Variants in GPC5 observed in about 807,000 individuals in gnomAD.
GPC5 encodes glypican 5, also known as glypican-5.
In GPC5, 47 loss-of-function variants were observed where a neutral mutation model predicts 53.9. That is an observed-to-expected ratio of 0.87 (90% CI 0.69 to 1.11). GPC5 has a LOEUF of 1.11. GPC5 is among the 50% of genes most tolerant of loss of function. GPC5 has a pLI of 0.00. For synonymous variants in GPC5, 286 were observed against 263.3 expected (o/e 1.09, Z -0.84); for missense variants, 748 against 713.1 (o/e 1.05, Z -0.56).
chr13:92,573,257 G>A (rs1883088098), intron 7 of GPC5, among the ~76,000 whole-genome samples: 1 of 152,068 alleles, frequency 6.6e-6, no homozygotes, highest in Non-Finnish European at 1.5e-5. Flanking sequence ...GCCTAATAAA[G>A]GTATTTAACT....
At chr13:92,559,154 T>A (rs1239989504) in intron 7 of GPC5, among the ~76,000 whole-genome samples, 2 of 151,546 alleles carry the variant, frequency 1.3e-5, no homozygotes, top group Non-Finnish European at 2.9e-5. Flanking sequence ...CGGACGAAAA[T>A]GAAAGGGACA....
intron 7 of GPC5, among the ~76,000 whole-genome samples, chr13:92,335,074 G>T (rs552307224): frequency 6.6e-6 from 1 of 151,980 alleles, no homozygotes; most frequent in African/African-American, 2.4e-5. Context: ...CTGTGGGTTG[G>T]GGGGGACTCC....
intron 2 of GPC5, among the ~76,000 whole-genome samples, chr13:91,547,935 C>A (rs937229852): frequency 6.6e-6 from 1 of 151,860 alleles, no homozygotes; most frequent in Non-Finnish European, 1.5e-5. Context: ...GATTAAAACT[C>A]GAAATAAATT....
chr13:92,771,814 G>T (rs578219230), intron 7 of GPC5, among the ~76,000 whole-genome samples: 7 of 152,174 alleles, frequency 4.6e-5, no homozygotes, highest in African/African-American at 1.4e-4. Flanking sequence ...TAAATTTATA[G>T]CTCCAGCTTC....
chr13:92,697,851 T>C (rs1171507729), intron 7 of GPC5, among the ~76,000 whole-genome samples: 1 of 152,202 alleles, frequency 6.6e-6, no homozygotes, highest in Non-Finnish European at 1.5e-5. Context: ...ATAGCTCTTA[T>C]TATTTTGAGA....
At chr13:92,789,864 G>C (rs1876399712) in intron 7 of GPC5, among the ~76,000 whole-genome samples, 1 of 152,114 alleles carries the variant, frequency 6.6e-6, no homozygotes, top group Admixed American at 6.6e-5. Flanking sequence ...GAGGAGCAGG[G>C]AAGCCAGTCC....
intron 6 of GPC5, among the ~76,000 whole-genome samples, chr13:91,919,216 G>A (rs2039687497): frequency 6.6e-6 from 1 of 152,108 alleles, no homozygotes. Context: ...TATTGCCACT[G>A]TGCTATTTGA....
intron 2 of GPC5, among the ~76,000 whole-genome samples, chr13:91,499,568 G>A (rs1227138776): frequency 1.3e-5 from 2 of 152,044 alleles, no homozygotes; most frequent in Non-Finnish European, 2.9e-5. Flanking sequence ...TTTTGCATAC[G>A]GTTCACAATT....
At chr13:92,609,804 G>T (rs191192401) in intron 7 of GPC5, among the ~76,000 whole-genome samples, 102 of 152,192 alleles carry the variant, frequency 6.7e-4, no homozygotes, top group African/African-American at 2.4e-3. Context: ...AGGCCCAGGT[G>T]GGTGGATCAC....
At chr13:91,958,713 A>G (rs1274958207) in intron 6 of GPC5, among the ~76,000 whole-genome samples, 1 of 152,108 alleles carries the variant, frequency 6.6e-6, no homozygotes, top group Non-Finnish European at 1.5e-5. Context: ...TTAGAAATCC[A>G]TAACAAGAGG....
At chr13:91,791,442 C>A (rs1245637574) in intron 5 of GPC5, among the ~76,000 whole-genome samples, 3 of 152,144 alleles carry the variant, frequency 2.0e-5, no homozygotes, top group African/African-American at 7.2e-5. Flanking sequence ...TTGGCTACAC[C>A]TACCTAGAAG....
intron 1 of GPC5, among the ~76,000 whole-genome samples, chr13:91,420,277 G>A (rs887215182): frequency 6.6e-6 from 1 of 151,918 alleles, no homozygotes; most frequent in Non-Finnish European, 1.5e-5. Context: ...TTTTATTTTT[G>A]CCATGTAAAT....
At chr13:91,484,063 G>C (rs1208818962) in intron 2 of GPC5, among the ~76,000 whole-genome samples, 1 of 152,046 alleles carries the variant, frequency 6.6e-6, no homozygotes, top group Non-Finnish European at 1.5e-5. Flanking sequence ...TATTATAGTT[G>C]AGTTATTTTG....
intron 7 of GPC5, chr13:92,240,157 A>G (rs1048421798): frequency 4.6e-5 from 7 of 152,104 alleles, no homozygotes; most frequent in African/African-American, 1.7e-4. Context: ...GTTGTAGATT[A>G]TATCTATTTG....
At position 91,930,182 on chromosome 13, in the gene GPC5, G is replaced by C. The variant is rs527602802; in HGVS notation, c.1401+22125G>C. 1.5e-3 allele frequency among the ~76,000 whole-genome samples: 223 copies of C among 152,114 alleles called. 1 individual carries two copies. The Middle Eastern group carries it at 0.054, about 37-fold the overall frequency. On this transcript the variant is annotated intron_variant, in intron 6 of 7. Coordinates refer to ENST00000377067, the MANE Select transcript of GPC5 (RefSeq NM_004466.6). ...ATGGATAGAACGACCATGAAGCCAT[G>C]GGCATTGTTTTGTTTTGTTTAATCT...
At chr13:91,780,440 T>C (rs1030524437) in intron 5 of GPC5, among the ~76,000 whole-genome samples, 3 of 152,160 alleles carry the variant, frequency 2.0e-5, no homozygotes, top group African/African-American at 7.2e-5. Context: ...CTTTTTATTA[T>C]ATTTTTTTAA....
chr13:92,534,460 C>A (rs1386646200), intron 7 of GPC5, among the ~76,000 whole-genome samples: 1 of 152,156 alleles, frequency 6.6e-6, no homozygotes, highest in African/African-American at 2.4e-5. Context: ...ATGTGTTCTG[C>A]CTCATAACAG....
At chr13:92,209,906 C>A (rs1314664127) in intron 7 of GPC5, among the ~76,000 whole-genome samples, 1 of 152,008 alleles carries the variant, frequency 6.6e-6, no homozygotes, top group Non-Finnish European at 1.5e-5. Flanking sequence ...AGTCTGAGTC[C>A]CAAAGATGAA....
intron 7 of GPC5, among the ~76,000 whole-genome samples, chr13:92,831,836 T>G (rs1878053946): frequency 6.6e-6 from 1 of 152,160 alleles, no homozygotes; most frequent in Admixed American, 6.6e-5. Flanking sequence ...TGGTCATAAA[T>G]AGCATCAGTA....
Sources: allele counts gnomAD v4.1 joint callset (sites outside exome capture counted in the v4.1 genomes callset), GRCh38; gene constraint gnomAD v4.1.1; transcripts MANE v1.5; gene names NCBI Gene and HGNC (gene_info 2026-07-23, HGNC 2026-07-21).